PRKG1: variants seen among roughly 807,000 people sequenced by gnomAD.
The protein encoded by PRKG1 is cGMP-dependent protein kinase 1.
A neutral mutation model predicts 88.1 loss-of-function variants in PRKG1; 35 were observed. The ratio of observed to expected loss-of-function variants is 0.40; its 90% CI spans 0.30 to 0.53. PRKG1 has a LOEUF of 0.53. PRKG1 is among the 20% of genes least tolerant of loss of function. The pLI, the probability that PRKG1 is intolerant of heterozygous loss-of-function variation, is 0.59. For missense variants in PRKG1, 540 were observed against 839.8 expected (o/e 0.64, Z 4.41); for synonymous variants, 303 against 292.5 (o/e 1.04, Z -0.37).
At position 51,074,851 on chromosome 10, in the gene PRKG1, C is replaced by T. The variant is rs760561584; in HGVS notation, c.261C>T (p.Asp87=). The change falls in exon 1 of 18, where the codon GAC becomes GAT. Residue 87 remains aspartate, a synonymous_variant. Transcript: ENST00000373980. The stretch of plus-strand genomic sequence containing the variant: ...TCTCCGCCGAGCCCACCGCCTTCGA[C>T]ATCCAGGATCTCAGCCATGTGACCC... The part of the protein sequence containing the change: ...QAISAEPTAF[D]IQDLSHVTLP... The T allele has an allele frequency of 2.5e-6, 4 of 1,613,420 alleles. No individual in the cohort carries two copies. Among genetic ancestry groups the T allele is most frequent in the South Asian group, 2.2e-5 (2 of 90,970 alleles).
At chr10:51,780,073 G>T (rs570293460) in intron 3 of PRKG1, among the ~76,000 whole-genome samples, 1 of 152,190 alleles carries the variant, frequency 6.6e-6, no homozygotes, top group South Asian at 2.1e-4. Context: ...GGCATAATCT[G>T]TTCTTTTAGT....
At chr10:51,535,413 C>T (rs1842120995) in intron 3 of PRKG1, among the ~76,000 whole-genome samples, 1 of 152,128 alleles carries the variant, frequency 6.6e-6, no homozygotes, top group African/African-American at 2.4e-5. Flanking sequence ...CTGCACCAAT[C>T]AGAACTTAAG....
rs150800111 is a variant in PRKG1, at chr10:51,723,035, C to T, written c.593-81550C>T. On this transcript the variant is annotated intron_variant, in intron 3 of 17. Transcript: ENST00000373980. ...AAAGTATGATAACATCAGGTTTTGG[C>T]TCTTTTATCTTCTTTTGTTATTGAG... is the stretch of plus-strand genomic sequence containing the variant. Among the ~76,000 whole-genome samples, 1,139 of 152,216 alleles carry T rather than the reference C, an allele frequency of 7.5e-3. 10 individuals are homozygous for T. The highest frequency in any genetic ancestry group is 0.017 in the Middle Eastern group (5 of 294).
chr10:51,126,663 AT>A (rs1468103400), intron 1 of PRKG1, among the ~76,000 whole-genome samples: 1 of 151,972 alleles, frequency 6.6e-6, no homozygotes, highest in African/African-American at 2.4e-5. Context: ...AGCCAAGACA[AT>A]CCTAAGCAAA....
intron 3 of PRKG1, among the ~76,000 whole-genome samples, chr10:51,679,047 G>A (rs1000689074): frequency 1.3e-5 from 2 of 152,118 alleles, no homozygotes; most frequent in Non-Finnish European, 2.9e-5. Flanking sequence ...CCAGGTATTA[G>A]GCTAGATATT....
At chr10:51,889,020 A>G (rs888163019) in intron 4 of PRKG1, among the ~76,000 whole-genome samples, 2 of 151,354 alleles carry the variant, frequency 1.3e-5, no homozygotes, top group African/African-American at 4.9e-5. Context: ...TCCCATCCTG[A>G]CAGAGAGAGA....
At chr10:52,062,819 GA>G in intron 7 of PRKG1, 188 bp downstream of exon 7, 1 of 719,726 alleles carries the variant, frequency 1.4e-6, no homozygotes, top group East Asian at 2.6e-5. Context: ...ATACGTTGTG[GA>G]ATAAATTCCT....
chr10:52,072,078 C>T (rs750552748), intron 7 of PRKG1, among the ~76,000 whole-genome samples: 1 of 151,224 alleles, frequency 6.6e-6, no homozygotes, highest in Middle Eastern at 3.4e-3. Flanking sequence ...CTTATGACTC[C>T]TGTGCGGCTC....
At chr10:52,025,854 A>G (rs1044171802) in intron 5 of PRKG1, among the ~76,000 whole-genome samples, 2 of 151,818 alleles carry the variant, frequency 1.3e-5, no homozygotes, top group African/African-American at 4.8e-5. Flanking sequence ...CTTTAAATTT[A>G]GCTAAGTCAA....
intron 9 of PRKG1, among the ~76,000 whole-genome samples, chr10:52,202,092 G>A (rs1200487554): frequency 1.3e-5 from 2 of 151,812 alleles, no homozygotes; most frequent in East Asian, 3.9e-4. Context: ...CCAGTACTAT[G>A]TTGAATAGGA....
chr10:51,719,058 A>G (rs987890953), intron 3 of PRKG1, among the ~76,000 whole-genome samples: 5 of 152,142 alleles, frequency 3.3e-5, no homozygotes, highest in Admixed American at 3.3e-4. Context: ...CTGAGAAGGG[A>G]GCATCACTTG....
At chr10:52,062,044 A>G (rs925900516) in intron 6 of PRKG1, among the ~76,000 whole-genome samples, 5 of 152,182 alleles carry the variant, frequency 3.3e-5, no homozygotes, top group Non-Finnish European at 5.9e-5. Flanking sequence ...ACATAATGAA[A>G]CAAAACTCAT....
At chr10:51,917,030 A>G (rs1240732815) in intron 5 of PRKG1, among the ~76,000 whole-genome samples, 1 of 152,158 alleles carries the variant, frequency 6.6e-6, no homozygotes, top group East Asian at 1.9e-4. Context: ...GACTATTAAG[A>G]GTGTGGGCTG....
intron 1 of PRKG1, among the ~76,000 whole-genome samples, chr10:51,120,819 CACTA>C (rs767695565): frequency 3.3e-5 from 5 of 151,940 alleles, no homozygotes; most frequent in Non-Finnish European, 7.4e-5. Flanking sequence ...GTAACAATAC[CACTA>C]ACTTAGTGAC....
At chr10:51,945,295 T>C (rs1396627670) in intron 5 of PRKG1, among the ~76,000 whole-genome samples, 1 of 151,272 alleles carries the variant, frequency 6.6e-6, no homozygotes, top group Non-Finnish European at 1.5e-5. Context: ...TTTTTTTGTT[T>C]TCCATTTGCT....
chr10:51,208,447 T>C (rs1838121077), intron 2 of PRKG1, among the ~76,000 whole-genome samples: 1 of 152,204 alleles, frequency 6.6e-6, no homozygotes, highest in African/African-American at 2.4e-5. Flanking sequence ...GAGGATTAGG[T>C]AAGCACAGCC....
intron 3 of PRKG1, among the ~76,000 whole-genome samples, chr10:51,571,777 G>T (rs61849856): frequency 0.055 from 8,307 of 151,934 alleles, 346 homozygotes; most frequent in Middle Eastern, 0.088. Context: ...CTTACTTTCT[G>T]TTTGGCAGAT....
At chr10:51,803,979 A>G (rs1206967436) in intron 3 of PRKG1, among the ~76,000 whole-genome samples, 1 of 152,156 alleles carries the variant, frequency 6.6e-6, no homozygotes, top group African/African-American at 2.4e-5. Context: ...TGTCAAAGAT[A>G]GTGGTGCATA....
At chr10:51,880,258 T>TAA (rs11337704) in intron 4 of PRKG1, among the ~76,000 whole-genome samples, 60,097 of 148,970 alleles carry the variant, frequency 0.4, 12,327 homozygotes, top group East Asian at 0.63. Context: ...AGAACTGAGC[T>TAA]AAAAAAAAAA....
Sources: allele counts gnomAD v4.1 joint callset (sites outside exome capture counted in the v4.1 genomes callset), GRCh38; gene constraint gnomAD v4.1.1; transcripts MANE v1.5; gene names NCBI Gene and HGNC (gene_info 2026-07-23, HGNC 2026-07-21).